Variants in SLC25A21 observed in about 807,000 individuals in gnomAD.
The protein encoded by SLC25A21 is solute carrier family 25 member 21, also known as mitochondrial 2-oxodicarboxylate carrier.
Under a neutral mutation model 43.8 loss-of-function variants are expected in SLC25A21, and 47 were observed. That is an observed-to-expected ratio of 1.07 (90% CI 0.85 to 1.37). The LOEUF (loss-of-function observed/expected upper bound fraction) is 1.37, where lower values mean the gene tolerates loss of function less well. Among genes scored for constraint, SLC25A21 ranks in the 40% most tolerant of loss-of-function variants. The pLI is 0.00. For synonymous variants in SLC25A21, 131 were observed against 121.3 expected, an observed-to-expected ratio of 1.08 and a Z score of -0.52; for missense variants, 352 against 350.2, an observed-to-expected ratio of 1.00 and a Z score of -0.04.
intron 1 of SLC25A21, among the ~76,000 whole-genome samples, chr14:36,989,444 G>C (rs1260584000): frequency 2.0e-5 from 3 of 151,838 alleles, no homozygotes; most frequent in Non-Finnish European, 4.4e-5. Context: ...AAATTGCTTA[G>C]GTATACAATA....
chr14:36,765,488 G>C (rs712324), intron 3 of SLC25A21, among the ~76,000 whole-genome samples: 24,282 of 152,198 alleles, frequency 0.16, 2,216 homozygotes, highest in Middle Eastern at 0.25. Flanking sequence ...GGAAACAGAG[G>C]CCTGAAGGAA....
At chr14:36,904,998 A>C (rs1234703786) in intron 1 of SLC25A21, among the ~76,000 whole-genome samples, 1 of 152,220 alleles carries the variant, frequency 6.6e-6, no homozygotes, top group African/African-American at 2.4e-5. Flanking sequence ...AGATATGATT[A>C]GAATGAATCC....
rs1200737802 is a variant in SLC25A21, at chr14:36,807,891, G to A, written c.203+6027C>T. Among the ~76,000 whole-genome samples the A allele has an allele frequency of 7.9e-5, 12 of 152,300 alleles. No homozygotes were observed. The South Asian group carries it at 2.3e-3, about 29-fold the overall frequency. On this transcript the variant is annotated intron_variant, in intron 3 of 9. Coordinates refer to ENST00000331299, the MANE Select transcript of SLC25A21 (RefSeq NM_030631.4). ...TGCCGTCTGAAAGGCACTTAAATGA[G>A]TGGCACATTATCTCACACATCTGGA... is the stretch of plus-strand genomic sequence containing the variant.
intron 1 of SLC25A21, among the ~76,000 whole-genome samples, chr14:37,166,815 T>C (rs1964037266): frequency 1.3e-5 from 2 of 152,196 alleles, no homozygotes; most frequent in Admixed American, 6.5e-5. Context: ...TGTAGGTGTT[T>C]TGAAGCCATT....
intron 7 of SLC25A21, among the ~76,000 whole-genome samples, chr14:36,708,388 G>C (rs2139183180): frequency 6.6e-6 from 1 of 152,320 alleles, no homozygotes; most frequent in African/African-American, 2.4e-5. Context: ...GTTTGGAAGA[G>C]TGCTGGTTGA....
chr14:37,075,486 G>A (rs1312124905), intron 1 of SLC25A21, among the ~76,000 whole-genome samples: 1 of 152,158 alleles, frequency 6.6e-6, no homozygotes, highest in Non-Finnish European at 1.5e-5. Flanking sequence ...TTCCATTTAT[G>A]ATTAAGAAGT....
intron 1 of SLC25A21, among the ~76,000 whole-genome samples, chr14:36,876,822 A>G (rs1392006816): frequency 3.6e-4 from 55 of 151,148 alleles, no homozygotes; most frequent in Admixed American, 3.6e-3. Flanking sequence ...ACATATATAT[A>G]TATGAAATAT....
intron 5 of SLC25A21, among the ~76,000 whole-genome samples, chr14:36,727,953 T>G (rs1833347301): frequency 6.6e-6 from 1 of 152,180 alleles, no homozygotes; most frequent in Non-Finnish European, 1.5e-5. Context: ...TATTACTTAC[T>G]CTATGCAATC....
At chr14:36,859,868 T>C (rs1890017907) in intron 2 of SLC25A21, among the ~76,000 whole-genome samples, 1 of 152,202 alleles carries the variant, frequency 6.6e-6, no homozygotes, top group Non-Finnish European at 1.5e-5. Context: ...TCCAAATACA[T>C]AATTTGAAAA....
chr14:37,099,783 T>A lies in SLC25A21; in HGVS notation c.70+72498A>T, dbSNP rs145851230. Among the ~76,000 whole-genome samples the A allele has an allele frequency of 1.8e-3, 271 of 152,254 alleles. 2 individuals carry two copies. The highest frequency in any genetic ancestry group is 6.4e-3 in the African/African-American group (266 of 41,562). On this transcript the variant is annotated intron_variant, in intron 1 of 9. Transcript: ENST00000331299. Reference sequence around the variant, plus strand: ...GGTAAGCATAATATTTTCCTCCTTTTCCAGATTCAGAACCCGGAGCTCTGA... The same window carrying A: ...GGTAAGCATAATATTTTCCTCCTTTACCAGATTCAGAACCCGGAGCTCTGA...
At chr14:37,152,896 T>A (rs555651794) in intron 1 of SLC25A21, among the ~76,000 whole-genome samples, 2 of 152,116 alleles carry the variant, frequency 1.3e-5, no homozygotes, top group Non-Finnish European at 2.9e-5. Context: ...ACTGGAATAG[T>A]ATATAGACAG....
chr14:36,721,746 C>A (rs17105116), intron 6 of SLC25A21, among the ~76,000 whole-genome samples: 2,229 of 152,356 alleles, frequency 0.015, 33 homozygotes, highest in Non-Finnish European at 0.022. Context: ...GCAAGTCATT[C>A]CCACCTGATC....
intron 1 of SLC25A21, among the ~76,000 whole-genome samples, chr14:37,037,615 G>GA (rs1246077252): frequency 6.6e-6 from 1 of 151,966 alleles, no homozygotes; most frequent in Non-Finnish European, 1.5e-5. Flanking sequence ...CTTCAGTGGT[G>GA]AATTTGATTT....
intron 1 of SLC25A21, among the ~76,000 whole-genome samples, chr14:37,012,215 A>C (rs1454657839): frequency 6.6e-6 from 1 of 152,226 alleles, no homozygotes; most frequent in African/African-American, 2.4e-5. Flanking sequence ...CGCTGAAATT[A>C]GAAGGTAGCA....
intron 1 of SLC25A21, among the ~76,000 whole-genome samples, chr14:37,117,828 T>C (rs1346771928): frequency 1.3e-5 from 2 of 150,548 alleles, no homozygotes; most frequent in East Asian, 2.0e-4. Flanking sequence ...AAGTAGTTAC[T>C]GGATACATAA....
At chr14:36,922,702 G>A (rs7150167) in intron 1 of SLC25A21, among the ~76,000 whole-genome samples, 11,485 of 152,060 alleles carry the variant, frequency 0.076, 683 homozygotes, top group East Asian at 0.23. Context: ...AGACCTCATG[G>A]AAAACATGGA....
At chr14:37,051,197 TA>T (rs1961696547) in intron 1 of SLC25A21, among the ~76,000 whole-genome samples, 1 of 152,230 alleles carries the variant, frequency 6.6e-6, no homozygotes. Flanking sequence ...TAAATATTTT[TA>T]AAAGTAAGTT....
intron 1 of SLC25A21, among the ~76,000 whole-genome samples, chr14:36,894,001 T>C (rs2138586945): frequency 6.6e-6 from 1 of 152,330 alleles, no homozygotes; most frequent in Admixed American, 6.5e-5. Flanking sequence ...TCTTTTGGCT[T>C]AGGATTGATT....
intron 1 of SLC25A21, among the ~76,000 whole-genome samples, chr14:36,997,665 C>T (rs1370307106): frequency 6.6e-6 from 1 of 151,904 alleles, no homozygotes; most frequent in Non-Finnish European, 1.5e-5. Flanking sequence ...CCCATCTCTA[C>T]AAAAAATACA....
Sources: gnomAD v4.1 joint callset for allele counts (sites outside exome capture counted in the v4.1 genomes callset) on GRCh38, gnomAD v4.1.1 for gene constraint, MANE v1.5 for transcripts, NCBI Gene and HGNC (gene_info 2026-07-23, HGNC 2026-07-21) for gene names.